The following GNG2 variants were observed in gnomAD, a reference collection of about 807,000 sequenced individuals.
GNG2 encodes the protein G protein subunit gamma 2.
GNG2 carries 5 observed loss-of-function variants against 5.5 expected under a neutral mutation model. That is an observed-to-expected ratio of 0.91 (90% CI 0.48 to 1.92). GNG2 has a LOEUF of 1.92. Ranked by LOEUF, GNG2 falls within the 30% of genes most tolerant of loss-of-function variation. The pLI, the probability that GNG2 is intolerant of heterozygous loss-of-function variation, is 0.01. For missense variants in GNG2, 55 were observed against 88.4 expected (o/e 0.62, Z 1.52); for synonymous variants, 28 against 32.0 (o/e 0.88, Z 0.42).
At chr14:51,827,018 TAGTTCAG>T (rs1881047037) in intron 1 of GNG2, among the ~76,000 whole-genome samples, 1 of 152,032 alleles carries the variant, frequency 6.6e-6, no homozygotes, top group Non-Finnish European at 1.5e-5. Flanking sequence ...GTGAGAGGTG[TAGTTCAG>T]GTAATTCACC....
intron 2 of GNG2, among the ~76,000 whole-genome samples, chr14:51,897,992 C>T (rs1012550278): frequency 2.0e-5 from 3 of 152,198 alleles, no homozygotes; most frequent in South Asian, 2.1e-4. Flanking sequence ...TTTAACACCC[C>T]GTAACTGTTC....
chr14:51,892,662 A>G (rs1884937542), intron 2 of GNG2, among the ~76,000 whole-genome samples: 2 of 152,188 alleles, frequency 1.3e-5, no homozygotes. Context: ...TTGTTTTTAC[A>G]AGTAAAAAGA....
chr14:51,833,122 G>C (rs1340494769), intron 2 of GNG2, among the ~76,000 whole-genome samples: 1 of 152,136 alleles, frequency 6.6e-6, no homozygotes, highest in East Asian at 1.9e-4. Flanking sequence ...GGCAGGGGAT[G>C]GGGGAGGCAG....
intron 2 of GNG2, among the ~76,000 whole-genome samples, chr14:51,929,039 G>A (rs1364523723): frequency 6.6e-6 from 1 of 152,212 alleles, no homozygotes; most frequent in Non-Finnish European, 1.5e-5. Flanking sequence ...TATATGTGAA[G>A]CTCAGGAATA....
chr14:51,933,814 T>C (rs2140249781), intron 2 of GNG2, among the ~76,000 whole-genome samples: 1 of 152,164 alleles, frequency 6.6e-6, no homozygotes, highest in South Asian at 2.1e-4. Flanking sequence ...GCCATTTTTA[T>C]AGTGAAAGAA....
intron 2 of GNG2, among the ~76,000 whole-genome samples, chr14:51,923,810 T>C (rs1029433417): frequency 2.6e-5 from 4 of 152,212 alleles, no homozygotes; most frequent in African/African-American, 9.7e-5. Context: ...CAACCCTTGC[T>C]TGTGACAGGA....
intron 3 of GNG2, among the ~76,000 whole-genome samples, chr14:51,965,577 G>A (rs564739063): frequency 4.6e-5 from 7 of 152,200 alleles, no homozygotes; most frequent in East Asian, 1.9e-4. Context: ...AATCAGTGAC[G>A]ACCTCCCAGT....
intron 2 of GNG2, among the ~76,000 whole-genome samples, chr14:51,934,758 C>G (rs1020824373): frequency 1.3e-5 from 2 of 152,070 alleles, no homozygotes; most frequent in African/African-American, 2.4e-5. Context: ...CTTCCATGCC[C>G]CTCTGTCTTT....
chr14:51,918,158 A>G (rs2140218564), intron 2 of GNG2, among the ~76,000 whole-genome samples: 1 of 152,328 alleles, frequency 6.6e-6, no homozygotes, highest in Non-Finnish European at 1.5e-5. Context: ...AGCCATCCCA[A>G]AAGCATTTTT....
intron 2 of GNG2, among the ~76,000 whole-genome samples, chr14:51,839,653 T>G (rs1221657404): frequency 6.6e-6 from 1 of 152,044 alleles, no homozygotes; most frequent in Non-Finnish European, 1.5e-5. Flanking sequence ...ATGAGAGAAT[T>G]TTAGGGGTGA....
chr14:51,889,109 C>CCTTTTTTTT lies in GNG2; in HGVS notation c.-30+11452_-30+11453insCTTTTTTTT, dbSNP rs1445313036. 1.7e-5 allele frequency among the ~76,000 whole-genome samples: 2 copies of CCTTTTTTTT among 118,938 alleles called. 1 individual carries two copies. The allele number at this position is 118,938 out of a possible 152,430, so 78.0% of individuals were successfully genotyped here. The stretch of plus-strand genomic sequence containing the variant: ...GACTGCTAATGGGTATGGGTTTGCG[C>CCTTTTTTTT]TTTTTTTTTTTTTTTTTTTTTGAGA... On this transcript the variant is annotated intron_variant, in intron 2 of 3. Transcript: ENST00000556766.
chr14:51,893,115 T>A (rs1299845204), intron 2 of GNG2, among the ~76,000 whole-genome samples: 1 of 152,232 alleles, frequency 6.6e-6, no homozygotes, highest in Non-Finnish European at 1.5e-5. Context: ...CATGCTTTAC[T>A]GTGGTGGAAT....
intron 2 of GNG2, among the ~76,000 whole-genome samples, chr14:51,919,175 T>C: frequency 6.6e-6 from 1 of 152,210 alleles, no homozygotes; most frequent in East Asian, 1.9e-4. Context: ...TACTCTAAAT[T>C]TTATAACTTA....
At chr14:51,924,299 C>A (rs778054033) in intron 2 of GNG2, among the ~76,000 whole-genome samples, 1 of 152,074 alleles carries the variant, frequency 6.6e-6, no homozygotes, top group African/African-American at 2.4e-5. Context: ...ATGGAAGACC[C>A]CTATTAAATT....
At chr14:51,889,994 G>A (rs1884742864) in intron 2 of GNG2, among the ~76,000 whole-genome samples, 1 of 152,164 alleles carries the variant, frequency 6.6e-6, no homozygotes, top group African/African-American at 2.4e-5. Flanking sequence ...CCTAACCACA[G>A]TAGATACAAC....
chr14:51,827,709 T>C, exon 2 of GNG2: 1 of 702,280 alleles, frequency 1.4e-6, no homozygotes, highest in South Asian at 1.5e-5. Context: ...AGCTGGGTGA[T>C]TCCTGAGCCC....
At chr14:51,892,916 T>A (rs1884952213) in intron 2 of GNG2, among the ~76,000 whole-genome samples, 1 of 152,252 alleles carries the variant, frequency 6.6e-6, no homozygotes, top group African/African-American at 2.4e-5. Context: ...ATTTTTCAAA[T>A]ATAAAAGTTA....
chr14:51,917,087 T>C (rs1886690468), intron 2 of GNG2, among the ~76,000 whole-genome samples: 1 of 152,122 alleles, frequency 6.6e-6, no homozygotes, highest in Non-Finnish European at 1.5e-5. Context: ...GGGGAGGATG[T>C]AGGAGTTAGG....
chr14:51,832,089 G>A (rs1252106466), intron 2 of GNG2, among the ~76,000 whole-genome samples: 1 of 151,998 alleles, frequency 6.6e-6, no homozygotes, highest in East Asian at 1.9e-4. Flanking sequence ...AGACCAGCTT[G>A]GACAACATGG....
Sources: allele counts gnomAD v4.1 joint callset (sites outside exome capture counted in the v4.1 genomes callset), GRCh38; gene constraint gnomAD v4.1.1; transcripts MANE v1.5; gene names NCBI Gene and HGNC (gene_info 2026-07-23, HGNC 2026-07-21).